EIF4ENIF1: variants seen among roughly 807,000 people sequenced by gnomAD.
EIF4ENIF1 encodes the protein eukaryotic translation initiation factor 4E nuclear import factor 1.
EIF4ENIF1 carries 23 observed loss-of-function variants against 110.5 expected under a neutral mutation model. The observed-to-expected ratio is 0.21, with a 90% CI of 0.15 to 0.29. The LOEUF (loss-of-function observed/expected upper bound fraction) is 0.29, where lower values mean the gene tolerates loss of function less well. Among genes scored for constraint, EIF4ENIF1 ranks in the 10% least tolerant of loss-of-function variants. The pLI is 1.00. For synonymous variants in EIF4ENIF1, 440 were observed against 437.0 expected (o/e 1.01, Z -0.09); for missense variants, 1,031 against 1,221.1 (o/e 0.84, Z 2.32).
downstream of EIF4ENIF1, among the ~76,000 whole-genome samples, chr22:31,438,888 A>T (rs931800265): frequency 6.6e-6 from 1 of 151,978 alleles, no homozygotes; most frequent in Non-Finnish European, 1.5e-5. Flanking sequence ...ATGCCCAGCT[A>T]GTTTTGTATT....
chr22:31,491,111 T>TG (rs540265439), upstream of EIF4ENIF1, among the ~76,000 whole-genome samples: 246 of 152,310 alleles, frequency 1.6e-3, 2 homozygotes, highest in African/African-American at 5.7e-3. Flanking sequence ...CTACAAGCTA[T>TG]GGAGAGTTAG....
At position 31,471,925 on chromosome 22, in the gene EIF4ENIF1, G is replaced by A. The variant is rs760592875; in HGVS notation, c.97-8C>T. 1.3e-6 allele frequency: 2 copies of A among 1,594,580 alleles called. No homozygotes were observed. Among genetic ancestry groups the A allele is most frequent in the Non-Finnish European group, 1.7e-6 (2 of 1,174,250 alleles). ...TATATCCAAGAGTTCTTCCTAAAAAGAGAAGTCAAATAGTCATTTTGAATT... is the reference window on the plus strand; with the variant it reads ...TATATCCAAGAGTTCTTCCTAAAAAAAGAAGTCAAATAGTCATTTTGAATT... On this transcript the variant is annotated splice_region_variant and splice_polypyrimidine_tract_variant and intron_variant, in intron 2 of 18. Transcript: ENST00000330125.
chr22:31,453,297 GTT>G (rs2050727893), intron 10 of EIF4ENIF1: 2 of 341,000 alleles, frequency 5.9e-6, no homozygotes, highest in Admixed American at 7.3e-5. Flanking sequence ...ATGCCTACAA[GTT>G]TTGTTTTTAA....
At chr22:31,466,754 A>T (rs1209571695) in intron 4 of EIF4ENIF1, among the ~76,000 whole-genome samples, 2 of 152,138 alleles carry the variant, frequency 1.3e-5, no homozygotes, top group Non-Finnish European at 2.9e-5. Flanking sequence ...ACACATGTCA[A>T]GACATCAAAT....
chr22:31,483,993 A>G (rs1206712129), intron 2 of EIF4ENIF1, among the ~76,000 whole-genome samples: 1 of 152,212 alleles, frequency 6.6e-6, no homozygotes, highest in Non-Finnish European at 1.5e-5. Flanking sequence ...TTGAGGTCCT[A>G]AAATATTCTT....
intron 2 of EIF4ENIF1, among the ~76,000 whole-genome samples, chr22:31,482,044 A>G (rs2051833897): frequency 6.6e-6 from 1 of 151,872 alleles, no homozygotes; most frequent in African/African-American, 2.4e-5. Context: ...GGTGACACAC[A>G]CCTGTAGTCC....
intron 1 of EIF4ENIF1, 156 bp downstream of exon 1, chr22:31,489,538 T>C (rs1328019381): frequency 9.1e-5 from 13 of 142,474 alleles, no homozygotes; most frequent in Admixed American, 5.5e-4. Context: ...GCCGGCCGCC[T>C]TGCGGGCCTC....
chr22:31,448,650 A>G (rs762042933), intron 12 of EIF4ENIF1, among the ~76,000 whole-genome samples: 106 of 152,364 alleles, frequency 7.0e-4, no homozygotes, highest in Non-Finnish European at 9.1e-4. Flanking sequence ...CAGAGTGGCC[A>G]GCAGCCTAAA....
At chr22:31,450,553 G>GT in intron 10 of EIF4ENIF1, 193 bp from the exon 11 acceptor site, 1 of 465,862 alleles carries the variant, frequency 2.1e-6, no homozygotes, top group Non-Finnish European at 4.0e-6. Context: ...TGGAAAGACC[G>GT]TTCACATGTA....
rs142623245 is a variant in EIF4ENIF1 at position 31,464,997 on chromosome 22, T to C, written c.299-1030A>G. ...CTGAGACAAAATATTTCAAAGCATT[T>C]TTCTGATAAAGGACTTAAATTCAGA... On this transcript the variant is annotated intron_variant, in intron 4 of 18. Transcript: ENST00000330125. Among the ~76,000 whole-genome samples the C allele has an allele frequency of 6.4e-3, 970 of 151,918 alleles. 14 individuals are homozygous for C. The highest frequency in any genetic ancestry group is 0.022 in the African/African-American group (915 of 41,450).
At chr22:31,479,865 C>T (rs1422658117) in intron 2 of EIF4ENIF1, among the ~76,000 whole-genome samples, 1 of 151,812 alleles carries the variant, frequency 6.6e-6, no homozygotes, top group Non-Finnish European at 1.5e-5. Context: ...GTGCATGCCA[C>T]CACATCCAGC....
At chr22:31,454,095 G>T (rs752026429) in intron 10 of EIF4ENIF1, 49 bp downstream of exon 10, 1 of 1,533,702 alleles carries the variant, frequency 6.5e-7, no homozygotes, top group Non-Finnish European at 8.9e-7. Context: ...GTGGGAAAAA[G>T]AAGAAAAAAA....
At chr22:31,489,968 G>C (rs1044479541), upstream of EIF4ENIF1, 1 of 152,028 alleles carries the variant, frequency 6.6e-6, no homozygotes, top group Non-Finnish European at 1.5e-5. Flanking sequence ...GCGGTGCCGG[G>C]CGAAAAAGAA....
At chr22:31,472,369 A>C (rs1601626671) in intron 2 of EIF4ENIF1, among the ~76,000 whole-genome samples, 1 of 151,972 alleles carries the variant, frequency 6.6e-6, no homozygotes. Context: ...CCTGGGTTCA[A>C]GCAATTCTCT....
chr22:31,487,445 C>T (rs2052077287), intron 2 of EIF4ENIF1, among the ~76,000 whole-genome samples: 1 of 152,168 alleles, frequency 6.6e-6, no homozygotes, highest in Admixed American at 6.5e-5. Context: ...CAAGAGCTGG[C>T]TTTAAAGCAT....
Position 31,455,330 on chromosome 22 carries a change from A to C in EIF4ENIF1, c.1100-15T>G. On this transcript the variant is annotated splice_polypyrimidine_tract_variant and intron_variant, in intron 8 of 18. Coordinates refer to ENST00000330125, the MANE Select transcript of EIF4ENIF1 (RefSeq NM_019843.4). The stretch of plus-strand genomic sequence containing the variant: ...TTGCTCCAGACCTGATATTGCAAAT[A>C]AACATACTCAAAATTAATCTGTTCC... The C allele has an allele frequency of 6.6e-7, 1 of 1,516,978 alleles. No homozygotes were observed. Among genetic ancestry groups the C allele is most frequent in the Non-Finnish European group, 8.8e-7 (1 of 1,131,996 alleles). 94.0% of individuals were successfully genotyped at this position (1,516,978 alleles called of 1,614,324 possible). A position where few individuals can be genotyped will look rare whatever the true frequency, so the allele number is the denominator to read the frequency against.
chr22:31,443,733 A>G (rs575688167), intron 15 of EIF4ENIF1, among the ~76,000 whole-genome samples: 13 of 151,654 alleles, frequency 8.6e-5, no homozygotes, highest in Non-Finnish European at 1.6e-4. Context: ...TGAAGCACGC[A>G]GCAAAGTTAT....
At chr22:31,447,003 T>C (rs558522446) in intron 14 of EIF4ENIF1, 20 of 469,096 alleles carry the variant, frequency 4.3e-5, no homozygotes, top group Admixed American at 7.2e-5. Context: ...GATAAGAACA[T>C]TGAATCTGTG....
intron 15 of EIF4ENIF1, among the ~76,000 whole-genome samples, chr22:31,443,742 AT>A (rs695653): frequency 0.015 from 1,874 of 128,490 alleles, 35 homozygotes; most frequent in African/African-American, 0.049. Flanking sequence ...CAGCAAAGTT[AT>A]TTTTTTTTTT....
Sources: gnomAD v4.1 joint callset for allele counts (sites outside exome capture counted in the v4.1 genomes callset) on GRCh38, gnomAD v4.1.1 for gene constraint, MANE v1.5 for transcripts, NCBI Gene and HGNC (gene_info 2026-07-23, HGNC 2026-07-21) for gene names.